Variants in SLCO2A1 observed in about 807,000 individuals in gnomAD.
SLCO2A1 encodes matrin F/G 1.
Under a neutral mutation model 71.7 loss-of-function variants are expected in SLCO2A1, and 60 were observed. That is an observed-to-expected ratio of 0.84 (90% CI 0.68 to 1.04). SLCO2A1 has a LOEUF of 1.04. Ranked by LOEUF, SLCO2A1 falls within the 50% of genes least tolerant of loss-of-function variation. The probability of loss-of-function intolerance (pLI) is 0.00; values close to 1 mark genes in which losing one functional copy is unlikely to be tolerated. For missense variants in SLCO2A1, 745 were observed against 813.4 expected, an observed-to-expected ratio of 0.92 and a Z score of 1.02; for synonymous variants, 308 against 326.7, an observed-to-expected ratio of 0.94 and a Z score of 0.62.
At chr3:134,016,891 T>C (rs777451448) in intron 1 of SLCO2A1, among the ~76,000 whole-genome samples, 1 of 152,208 alleles carries the variant, frequency 6.6e-6, no homozygotes, top group Non-Finnish European at 1.5e-5. Context: ...ACAACTTGGA[T>C]GGATCTCAAG....
intron 1 of SLCO2A1, among the ~76,000 whole-genome samples, chr3:134,009,276 A>G (rs1306159856): frequency 2.0e-5 from 3 of 152,198 alleles, no homozygotes; most frequent in African/African-American, 7.2e-5. Flanking sequence ...CCTTCTCTGT[A>G]TACTGTGATT....
chr3:133,963,332 G>A (rs774198618), intron 3 of SLCO2A1, among the ~76,000 whole-genome samples: 14 of 152,192 alleles, frequency 9.2e-5, no homozygotes, highest in African/African-American at 2.6e-4. Flanking sequence ...TCAGCGCTCC[G>A]TCCCACCCCT....
Position 133,934,509 on chromosome 3 carries a change from C to T in SLCO2A1, c.*204G>A, listed in dbSNP as rs868504106. On this transcript the variant is annotated 3_prime_UTR_variant, in exon 14 of 14. Transcript: ENST00000310926. ...GAAGACTCAGCCCCCCAGTTCTGGC[C>T]CACACAGCCCGGGTACACAGTGGCC... 1.8e-5 allele frequency: 9 copies of T among 490,694 alleles called. No homozygotes were observed. Among genetic ancestry groups the T allele is most frequent in the South Asian group, 2.4e-5 (1 of 41,178 alleles). 30.4% of individuals were successfully genotyped at this position (490,694 alleles called of 1,614,324 possible).
chr3:133,947,810 A>G (rs970819159), intron 8 of SLCO2A1, among the ~76,000 whole-genome samples: 2 of 152,128 alleles, frequency 1.3e-5, no homozygotes, highest in African/African-American at 2.4e-5. Flanking sequence ...CCAGTCAGAG[A>G]TGGAAGGCCA....
intron 9 of SLCO2A1, 43 bp from the exon 10 acceptor site, chr3:133,945,303 C>A: frequency 6.4e-7 from 1 of 1,559,504 alleles, no homozygotes; most frequent in Non-Finnish European, 8.7e-7. Context: ...AAAGCAAGAC[C>A]AAAGAAAAAC....
rs530021473 is a variant in SLCO2A1 at position 133,947,263 on chromosome 3, G to A, written c.1288C>T (p.Pro430Ser). 548 of 1,613,902 alleles carry A rather than the reference G, an allele frequency of 3.4e-4. 10 individuals are homozygous for A. The South Asian group carries it at 5.6e-3, about 17-fold the overall frequency. Residue 430 changes from proline (P) to serine (S), a missense_variant, in exon 9 of 14, where the codon CCC (proline) becomes TCC (serine). Coordinates refer to ENST00000310926, the MANE Select transcript of SLCO2A1 (RefSeq NM_005630.3). Reference protein sequence around the residue: ...CSTPTVAEVYPPSTSSSIHPQ... With the variant: ...CSTPTVAEVYSPSTSSSIHPQ... Reference sequence around the variant, plus strand: ...ACCCCTTATTCCCATTACCTAGGGGGGTAGACTTCGGCCACAGTTGGGGTG... The same window carrying A: ...ACCCCTTATTCCCATTACCTAGGGGAGTAGACTTCGGCCACAGTTGGGGTG...
rs527865881 is a variant in SLCO2A1, at chr3:133,940,839, G to A, written c.1625+1766C>T. On this transcript the variant is annotated intron_variant, in intron 11 of 13. Coordinates refer to ENST00000310926, the MANE Select transcript of SLCO2A1 (RefSeq NM_005630.3). ...GTCCTGACTACTGTTTTCCTGTGCC[G>A]TTTCTCCGGGTTGTAGTTGCAATGA... 8.5e-5 allele frequency among the ~76,000 whole-genome samples: 13 copies of A among 152,272 alleles called. No homozygotes were observed. In the East Asian group the frequency reaches 9.7e-4, roughly 11 times the overall value.
At chr3:133,990,512 T>C (rs1393949360) in intron 1 of SLCO2A1, among the ~76,000 whole-genome samples, 2 of 152,138 alleles carry the variant, frequency 1.3e-5, no homozygotes, top group Non-Finnish European at 2.9e-5. Flanking sequence ...CCAAAAAATA[T>C]ACCGAACCCT....
chr3:134,007,135 T>C (rs1216646899), intron 1 of SLCO2A1, among the ~76,000 whole-genome samples: 1 of 152,252 alleles, frequency 6.6e-6, no homozygotes, highest in Admixed American at 6.5e-5. Context: ...TTTAGAGAAA[T>C]GTCTATTCAA....
intron 4 of SLCO2A1, among the ~76,000 whole-genome samples, 198 bp downstream of exon 4, chr3:133,954,768 C>A (rs1933839216): frequency 6.6e-6 from 1 of 152,218 alleles, no homozygotes; most frequent in Non-Finnish European, 1.5e-5. Flanking sequence ...GGGGTTCAGC[C>A]ATTTGCCTCA....
rs150372562 is a variant in SLCO2A1 at position 133,998,825 on chromosome 3, G to C, written c.97-19207C>G. The C allele has an allele frequency of 4.6e-5, 7 of 152,388 alleles. No individual in the cohort carries two copies. The East Asian group carries it at 9.6e-4, about 21-fold the overall frequency. 9.4% of individuals were successfully genotyped at this position (152,388 alleles called of 1,614,324 possible). On this transcript the variant is annotated intron_variant, in intron 1 of 13. Coordinates refer to ENST00000310926, the MANE Select transcript of SLCO2A1 (RefSeq NM_005630.3). The stretch of plus-strand genomic sequence containing the variant: ...AGCTCCATGTTGATTTGCTTTTCCA[G>C]ACTCATTCTAAACCTGTGCCTCCCA...
At chr3:133,952,396 G>A (rs909317421) in intron 5 of SLCO2A1, among the ~76,000 whole-genome samples, 37 of 152,204 alleles carry the variant, frequency 2.4e-4, no homozygotes, top group Admixed American at 3.3e-4. Flanking sequence ...GGGCAGTGGT[G>A]GGAGTGCTCT....
intron 11 of SLCO2A1, among the ~76,000 whole-genome samples, chr3:133,941,290 G>GATTAAT (rs750278152): frequency 1.4e-4 from 21 of 152,040 alleles, no homozygotes; most frequent in Non-Finnish European, 2.1e-4. Flanking sequence ...ATTATTATTT[G>GATTAAT]ATTAATAGTG....
At chr3:134,019,913 T>C (rs1424974473) in intron 1 of SLCO2A1, among the ~76,000 whole-genome samples, 1 of 152,034 alleles carries the variant, frequency 6.6e-6, no homozygotes, top group Admixed American at 6.5e-5. Flanking sequence ...TTATGCCCAA[T>C]TTCTGCCTCC....
chr3:133,938,764 G>A (rs1933339636), intron 11 of SLCO2A1, among the ~76,000 whole-genome samples: 1 of 152,048 alleles, frequency 6.6e-6, no homozygotes. Context: ...AAAGTCTGGG[G>A]ATGGGGCCCA....
At chr3:133,988,636 G>A (rs6795110) in intron 1 of SLCO2A1, among the ~76,000 whole-genome samples, 49,408 of 152,072 alleles carry the variant, frequency 0.32, 8,408 homozygotes, top group Middle Eastern at 0.39. Context: ...TCTTTTTGTC[G>A]ACAACAGGAT....
chr3:133,938,764 G>T (rs1933339636), intron 11 of SLCO2A1, among the ~76,000 whole-genome samples: 1 of 152,048 alleles, frequency 6.6e-6, no homozygotes, highest in South Asian at 2.1e-4. Flanking sequence ...AAAGTCTGGG[G>T]ATGGGGCCCA....
intron 3 of SLCO2A1, among the ~76,000 whole-genome samples, chr3:133,963,338 C>A (rs1934089013): frequency 6.6e-6 from 1 of 152,162 alleles, no homozygotes; most frequent in Admixed American, 6.5e-5. Flanking sequence ...CTCCGTCCCA[C>A]CCCTCGGGAT....
At chr3:134,021,308 A>C (rs1935571711) in intron 1 of SLCO2A1, among the ~76,000 whole-genome samples, 1 of 152,216 alleles carries the variant, frequency 6.6e-6, no homozygotes, top group Non-Finnish European at 1.5e-5. Context: ...GAGACTATGG[A>C]GTACTGTGAC....
Sources: gnomAD v4.1 joint callset for allele counts (sites outside exome capture counted in the v4.1 genomes callset) on GRCh38, gnomAD v4.1.1 for gene constraint, MANE v1.5 for transcripts, NCBI Gene and HGNC (gene_info 2026-07-23, HGNC 2026-07-21) for gene names.